Variants in MICAL2 observed in about 807,000 individuals in gnomAD.
The protein encoded by MICAL2 is [F-actin]-monooxygenase MICAL2.
A neutral mutation model predicts 127.3 loss-of-function variants in MICAL2; 77 were observed. The observed-to-expected ratio is 0.60, with a 90% CI of 0.50 to 0.73. MICAL2 has a LOEUF of 0.73. MICAL2 is among the 30% of genes least tolerant of loss of function. The pLI is 0.00. For missense variants in MICAL2, 1,351 were observed against 1,434.4 expected (o/e 0.94, Z 0.94); for synonymous variants, 570 against 551.1 (o/e 1.03, Z -0.48).
intron 3 of MICAL2, among the ~76,000 whole-genome samples, chr11:12,188,304 TG>T: frequency 6.6e-6 from 1 of 152,340 alleles, no homozygotes; most frequent in Admixed American, 6.5e-5. Flanking sequence ...TTAGAAAAAA[TG>T]TGGCTATCAG....
At chr11:12,321,070 G>T (rs766340573) in intron 30 of MICAL2, among the ~76,000 whole-genome samples, 9 of 152,062 alleles carry the variant, frequency 5.9e-5, no homozygotes, top group Non-Finnish European at 1.2e-4. Flanking sequence ...GAGAATAAAA[G>T]AATAGAATGG....
downstream of MICAL2, chr11:12,292,224 A>G (rs1863913680): frequency 6.2e-7 from 1 of 1,613,892 alleles, no homozygotes; most frequent in Non-Finnish European, 8.5e-7. Flanking sequence ...TCGTCTTCCC[A>G]TTCATCTTCC....
downstream of MICAL2, among the ~76,000 whole-genome samples, chr11:12,289,108 A>T (rs530318851): frequency 5.3e-5 from 8 of 152,270 alleles, no homozygotes; most frequent in South Asian, 1.7e-3. Flanking sequence ...CTGCCAGATG[A>T]CCTCTAGGAT....
chr11:12,207,466 AG>A (rs533937019), intron 4 of MICAL2, among the ~76,000 whole-genome samples: 1 of 152,216 alleles, frequency 6.6e-6, no homozygotes, highest in Non-Finnish European at 1.5e-5. Context: ...TCCACTCACT[AG>A]GGGAGTTTTG....
chr11:12,148,380 G>C (rs954820289), intron 2 of MICAL2, among the ~76,000 whole-genome samples: 1 of 152,166 alleles, frequency 6.6e-6, no homozygotes, highest in Admixed American at 6.5e-5. Context: ...CTGCATGATG[G>C]GTGGGAGCCC....
chr11:12,162,472 T>C, intron 3 of MICAL2, 53 bp downstream of exon 3: 4 of 1,598,108 alleles, frequency 2.5e-6, no homozygotes, highest in Non-Finnish European at 3.4e-6. Flanking sequence ...GGTTGACATT[T>C]GGGAGGTTAG....
intron 3 of MICAL2, among the ~76,000 whole-genome samples, chr11:12,200,312 G>C (rs1266220795): frequency 1.3e-5 from 2 of 152,198 alleles, no homozygotes; most frequent in African/African-American, 4.8e-5. Flanking sequence ...TTGGACATAA[G>C]GCCTAGCTGG....
intron 32 of MICAL2, among the ~76,000 whole-genome samples, chr11:12,344,472 C>CGATGATTAT (rs34112883): frequency 1.4e-5 from 2 of 141,476 alleles, no homozygotes; most frequent in African/African-American, 5.2e-5. Context: ...ATTCTAGAAA[C>CGATGATTAT]TATTATTATT....
intron 29 of MICAL2, among the ~76,000 whole-genome samples, chr11:12,313,356 T>C (rs542955448): frequency 1.3e-5 from 2 of 152,104 alleles, no homozygotes; most frequent in South Asian, 4.2e-4. Context: ...CTAGTTTCTA[T>C]GAATAACCGC....
intron 21 of MICAL2, among the ~76,000 whole-genome samples, chr11:12,248,346 C>T (rs185491305): frequency 1.7e-4 from 26 of 152,300 alleles, no homozygotes; most frequent in Admixed American, 1.5e-3. Context: ...AGAACCATTT[C>T]CTCATCTATC....
intron 4 of MICAL2, among the ~76,000 whole-genome samples, chr11:12,205,449 G>A (rs1854560000): frequency 6.6e-6 from 1 of 152,124 alleles, no homozygotes; most frequent in African/African-American, 2.4e-5. Flanking sequence ...GAATTCCACA[G>A]GGCCAACTTC....
intron 3 of MICAL2, among the ~76,000 whole-genome samples, chr11:12,191,382 G>T (rs745677880): frequency 6.6e-6 from 1 of 151,340 alleles, no homozygotes; most frequent in African/African-American, 2.4e-5. Context: ...TGACGCAGGA[G>T]AGTTGCTTGA....
intron 1 of MICAL2, among the ~76,000 whole-genome samples, chr11:12,118,352 C>CT (rs564082831): frequency 2.0e-3 from 309 of 152,312 alleles, no homozygotes; most frequent in Non-Finnish European, 3.6e-3. Flanking sequence ...TCAGTTCTTA[C>CT]TTTTTTGGCA....
chr11:12,321,368 C>T (rs1424953766), intron 30 of MICAL2, among the ~76,000 whole-genome samples: 1 of 152,158 alleles, frequency 6.6e-6, no homozygotes, highest in African/African-American at 2.4e-5. Flanking sequence ...TGTCCCCAGC[C>T]AGGTGGCACG....
chr11:12,294,627 C>G (rs774436090), downstream of MICAL2: 25 of 1,614,054 alleles, frequency 1.5e-5, no homozygotes, highest in Non-Finnish European at 1.9e-5. Flanking sequence ...CTTTTTTCCT[C>G]CCTCAGACTC....
intron 1 of MICAL2, among the ~76,000 whole-genome samples, chr11:12,126,975 T>C (rs1487131071): frequency 6.6e-6 from 1 of 152,118 alleles, no homozygotes; most frequent in Non-Finnish European, 1.5e-5. Context: ...AGAGCATCTC[T>C]AGTGGGTGTT....
At chr11:12,124,923 C>T (rs1284347714) in intron 1 of MICAL2, among the ~76,000 whole-genome samples, 2 of 152,260 alleles carry the variant, frequency 1.3e-5, no homozygotes, top group African/African-American at 4.8e-5. Context: ...TCCACAGTTC[C>T]TGTGTCCTTC....
At chr11:12,337,924 T>C (rs187015677) in intron 32 of MICAL2, among the ~76,000 whole-genome samples, 1 of 152,342 alleles carries the variant, frequency 6.6e-6, no homozygotes, top group East Asian at 1.9e-4. Context: ...AAAGAATGTA[T>C]ATTCTGTTGA....
At chr11:12,205,023 A>T (rs909364114) in intron 4 of MICAL2, among the ~76,000 whole-genome samples, 1 of 152,130 alleles carries the variant, frequency 6.6e-6, no homozygotes, top group African/African-American at 2.4e-5. Flanking sequence ...AAATAATTGG[A>T]TCCTTGTTTC....
Sources: gnomAD v4.1 joint callset for allele counts (sites outside exome capture counted in the v4.1 genomes callset) on GRCh38, gnomAD v4.1.1 for gene constraint, MANE v1.5 for transcripts, NCBI Gene and HGNC (gene_info 2026-07-23, HGNC 2026-07-21) for gene names.